The following ADGRG4 variants were observed in gnomAD, a reference collection of about 807,000 sequenced individuals.
The protein encoded by ADGRG4 is adhesion G protein-coupled receptor G4, also known as G protein-coupled receptor 112.
ADGRG4 carries 122 observed loss-of-function variants against 126.2 expected under a neutral mutation model. The observed-to-expected ratio is 0.97, with a 90% confidence interval of 0.83 to 1.12. ADGRG4 has a LOEUF of 1.12. Among genes scored for constraint, ADGRG4 ranks in the 50% most tolerant of loss-of-function variants. ADGRG4 has a pLI of 0.00. For missense variants in ADGRG4, 2,481 were observed against 2,251.8 expected, an observed-to-expected ratio of 1.10 and a Z score of -2.06; for synonymous variants, 943 against 838.7, an observed-to-expected ratio of 1.12 and a Z score of -2.15.
intron 5 of ADGRG4, among the ~76,000 whole-genome samples, chrX:136,343,678 C>T (rs945218616): frequency 8.9e-6 from 1 of 112,056 alleles, no homozygotes; most frequent in African/African-American, 3.2e-5. Context: ...CAGATTAAAA[C>T]ATTTTCAATC....
chrX:136,346,178 C>A lies in ADGRG4; in HGVS notation c.2472C>A (p.Thr824=). Residue 824 remains threonine, a synonymous_variant, in exon 6 of 26, where the codon ACC becomes ACA. Transcript: ENST00000394143. ...NGAIVFGGTT[T]PVPKSATTQR... is the part of the protein sequence containing the mutation. ...CAATTGTATTTGGAGGTACAACGAC[C>A]CCTGTACCAAAGTCAGCAACAACAC... 8.3e-7 allele frequency: 1 copy of A among 1,208,095 alleles called. No individual in the cohort carries two copies.
chrX:136,398,493 C>A (rs182879013), intron 20 of ADGRG4, among the ~76,000 whole-genome samples: 123 of 112,216 alleles, frequency 1.1e-3, no homozygotes, highest in Non-Finnish European at 2.0e-3. Flanking sequence ...CTAAGCCTAA[C>A]CCTTACCAAA....
chrX:136,330,142 A>C (rs1248770546), intron 5 of ADGRG4, among the ~76,000 whole-genome samples: 1 of 111,086 alleles, frequency 9.0e-6, no homozygotes, highest in East Asian at 2.8e-4. Flanking sequence ...TAAGTTCTAT[A>C]CAATTTTATC....
rs769709038 is a variant in ADGRG4, at chrX:136,334,357, C to A, written c.686-10035C>A. Among the ~76,000 whole-genome samples the A allele has an allele frequency of 2.7e-5, 3 of 111,478 alleles. No homozygotes were observed. The South Asian group carries it at 1.1e-3, about 42-fold the overall frequency. On this transcript the variant is annotated intron_variant, in intron 5 of 25. Transcript: ENST00000394143. ...CACTATTTTGATTGCTGTAACTTTA[C>A]ATAAAGCCTTAATATTGGGTAGAGA...
In ADGRG4 at chrX:136,350,016, C is replaced by T. The variant is rs761262127; in HGVS notation, c.6310C>T (p.His2104Tyr). ...VTDDIVYIST[H>Y]PEASSRTTIT... ...AGATGACATTGTGTACATTTCCACA[C>T]ACCCTGAGGCATCCTCCAGAACCAC... The change falls in exon 6 of 26, where the codon CAC becomes TAC. Residue 2104 changes from histidine (H) to tyrosine (Y), a missense_variant. Transcript: ENST00000394143. 1.1e-5 allele frequency: 13 copies of T among 1,210,370 alleles called. No homozygotes were observed. Among genetic ancestry groups the T allele is most frequent in the Non-Finnish European group, 1.5e-5 (13 of 894,498 alleles).
intron 22 of ADGRG4, among the ~76,000 whole-genome samples, chrX:136,403,989 C>T (rs1233323964): frequency 1.8e-5 from 2 of 111,130 alleles, no homozygotes; most frequent in African/African-American, 3.3e-5. Context: ...TTAGGCTGCA[C>T]AATCTCATTT....
Position 136,350,064 on chromosome X carries a change from G to T in ADGRG4, c.6358G>T (p.Val2120Leu), listed in dbSNP as rs1352909523. 17 of 1,208,952 alleles carry T rather than the reference G, an allele frequency of 1.4e-5. No individual in the cohort carries two copies. The highest frequency in any genetic ancestry group is 1.9e-5 in the Non-Finnish European group (17 of 894,658). ...RTTITANPRT[V>L]SHPSSFSRKT... ...CACAATAACTGCCAACCCCAGGACT[G>T]TGTCTCATCCTTCATCCTTCAGCAG... is the stretch of plus-strand genomic sequence containing the variant. Residue 2120 changes from valine (V) to leucine (L), a missense_variant, in exon 6 of 26, where the codon GTG becomes TTG. By Grantham distance (32) the Val-to-Leu change is conservative (BLOSUM62 1). Coordinates refer to ENST00000394143, the MANE Select transcript of ADGRG4 (RefSeq NM_153834.4).
intron 4 of ADGRG4, among the ~76,000 whole-genome samples, chrX:136,319,704 T>TATC (rs1556649877): frequency 1.2e-5 from 1 of 86,030 alleles, no homozygotes; most frequent in African/African-American, 4.2e-5. Flanking sequence ...TGATTCTATC[T>TATC]ATCTATCTAT....
chrX:136,313,836 A>G (rs1569533376), intron 4 of ADGRG4, among the ~76,000 whole-genome samples: 1 of 111,494 alleles, frequency 9.0e-6, no homozygotes, highest in African/African-American at 3.3e-5. Context: ...TTGGTCTATC[A>G]AGGTAGGGCT....
intron 15 of ADGRG4, among the ~76,000 whole-genome samples, chrX:136,375,786 G>C (rs2075221973): frequency 8.9e-6 from 1 of 112,025 alleles, no homozygotes; most frequent in African/African-American, 3.2e-5. Flanking sequence ...CTGGATGCTA[G>C]TCCTTTGTTG....
chrX:136,348,860 A>G lies in ADGRG4; in HGVS notation c.5154A>G (p.Leu1718=). Residue 1718 remains leucine (L), a synonymous_variant, in exon 6 of 26, where the codon TTA becomes TTG. Coordinates refer to ENST00000394143, the MANE Select transcript of ADGRG4 (RefSeq NM_153834.4). ...QADEATTLGI[L]SGITNRSLST... ...ATGAGGCTACAACTTTGGGCATATT[A>G]TCTGGGATTACTAACAGGTCCCTAT... 9.1e-6 allele frequency: 11 copies of G among 1,209,213 alleles called. No homozygotes were observed. Among genetic ancestry groups the G allele is most frequent in the Non-Finnish European group, 1.2e-5 (11 of 894,214 alleles).
rs1199966186 is a variant in ADGRG4 at position 136,345,155 on chromosome X, A to G, written c.1449A>G (p.Val483=). ...CCACAGCTGCTCCAGTAGATTCTGTATTTCCTAGAAACCAGACAGCATTTC... is the reference window on the plus strand; with the variant it reads ...CCACAGCTGCTCCAGTAGATTCTGTGTTTCCTAGAAACCAGACAGCATTTC... ...LISTAAPVDS[V]FPRNQTAFPL... The change falls in exon 6 of 26, where the codon GTA becomes GTG. Residue 483 remains valine, a synonymous_variant. Transcript: ENST00000394143. The G allele has an allele frequency of 8.3e-7, 1 of 1,210,965 alleles. No individual in the cohort carries two copies.
chrX:136,379,919 G>A (rs933996680), intron 15 of ADGRG4, among the ~76,000 whole-genome samples: 3 of 111,325 alleles, frequency 2.7e-5, no homozygotes, highest in East Asian at 5.6e-4. Flanking sequence ...ATGTCTTCAG[G>A]GTTCATCTAT....
intron 7 of ADGRG4, among the ~76,000 whole-genome samples, chrX:136,352,074 C>G (rs1243423179): frequency 9.0e-6 from 1 of 111,655 alleles, no homozygotes; most frequent in Non-Finnish European, 1.9e-5. Flanking sequence ...CTGCTCTGTG[C>G]ATTAACTCCT....
intron 4 of ADGRG4, among the ~76,000 whole-genome samples, chrX:136,316,196 A>G (rs1356127566): frequency 9.0e-6 from 1 of 111,487 alleles, no homozygotes; most frequent in Non-Finnish European, 1.9e-5. Context: ...GTACCTGACC[A>G]TGGAAGAACC....
At position 136,348,320 on chromosome X, in the gene ADGRG4, A is replaced by G. The variant is rs1225392392; in HGVS notation, c.4614A>G (p.Lys1538=). The G allele has an allele frequency of 8.3e-7, 1 of 1,207,949 alleles. No homozygotes were observed. The highest frequency in any genetic ancestry group is 3.0e-5 in the East Asian group (1 of 33,728). ...VSDTPPIVIT[K]SSKTMHPGCL... The stretch of plus-strand genomic sequence containing the variant: ...ACACTCCCCCAATAGTGATAACTAA[A>G]TCTTCTAAAACAATGCATCCAGGTT... The change falls in exon 6 of 26, where the codon AAA becomes AAG. Residue 1538 remains lysine, a synonymous_variant. Coordinates refer to ENST00000394143, the MANE Select transcript of ADGRG4 (RefSeq NM_153834.4).
chrX:136,393,292 A>G (rs2075329291), intron 17 of ADGRG4, among the ~76,000 whole-genome samples: 1 of 111,933 alleles, frequency 8.9e-6, no homozygotes, highest in Admixed American at 9.5e-5. Flanking sequence ...TTTAAAGGAC[A>G]TATCAGATCA....
intron 8 of ADGRG4, 62 bp downstream of exon 8, chrX:136,353,463 T>G: frequency 1.3e-6 from 1 of 744,485 alleles, no homozygotes; most frequent in Non-Finnish European, 2.1e-6. Context: ...GGTCTGTTCC[T>G]ATCTGGAGGG....
At position 136,344,541 on chromosome X, in the gene ADGRG4, A is replaced by G. The variant is rs2074999008; in HGVS notation, c.835A>G (p.Thr279Ala). The G allele has an allele frequency of 8.3e-7, 1 of 1,206,105 alleles. No individual in the cohort carries two copies. Among genetic ancestry groups the G allele is most frequent in the Non-Finnish European group, 1.1e-6 (1 of 890,473 alleles). ...LLSQSIPIFA[T>A]DYTTISYSNT... is the part of the protein sequence containing the mutation. ...GTCTCAAAGCATACCTATATTTGCAACTGATTACACAACCATATCATATTC... is the reference window on the plus strand; with the variant it reads ...GTCTCAAAGCATACCTATATTTGCAGCTGATTACACAACCATATCATATTC... The change falls in exon 6 of 26, where the codon ACT becomes GCT. Residue 279 changes from threonine (T) to alanine (A), a missense_variant. Physicochemically the swap from Thr to Ala is moderately conservative, Grantham distance 58. Transcript: ENST00000394143.
Sources: gnomAD v4.1 joint callset for allele counts (sites outside exome capture counted in the v4.1 genomes callset) on GRCh38, gnomAD v4.1.1 for gene constraint, MANE v1.5 for transcripts, NCBI Gene and HGNC (gene_info 2026-07-23, HGNC 2026-07-21) for gene names.